COL23A1: variants seen among roughly 807,000 people sequenced by gnomAD.
The protein encoded by COL23A1 is collagen alpha-1(XXIII) chain.
COL23A1 carries 97 observed loss-of-function variants against 99.3 expected under a neutral mutation model. The observed-to-expected ratio is 0.98, with a 90% CI of 0.83 to 1.16. The LOEUF (loss-of-function observed/expected upper bound fraction) is 1.16. Ranked by LOEUF, COL23A1 falls within the 50% of genes most tolerant of loss-of-function variation. The pLI, the probability that COL23A1 is intolerant of heterozygous loss-of-function variation, is 0.00. For synonymous variants in COL23A1, 320 were observed against 308.2 expected (o/e 1.04, Z -0.40); for missense variants, 762 against 757.4 (o/e 1.01, Z -0.07).
chr5:178,252,518 G>C, intron 17 of COL23A1, 26 bp downstream of exon 17: 1 of 1,602,960 alleles, frequency 6.2e-7, no homozygotes, highest in South Asian at 1.1e-5. Context: ...ATGCTTGGGG[G>C]ACCACATAGC....
chr5:178,348,566 G>A (rs901420007), intron 2 of COL23A1, among the ~76,000 whole-genome samples: 1 of 152,200 alleles, frequency 6.6e-6, no homozygotes, highest in Non-Finnish European at 1.5e-5. Context: ...CCCTCACAGC[G>A]GCTTCCCTGC....
At chr5:178,358,681 G>T (rs528254998) in intron 2 of COL23A1, among the ~76,000 whole-genome samples, 28 of 144,310 alleles carry the variant, frequency 1.9e-4, no homozygotes, top group African/African-American at 7.1e-4. Context: ...ATGTGTATGT[G>T]TATGTGTGTG....
At chr5:178,262,105 C>T (rs1765659643) in intron 10 of COL23A1, 112 bp downstream of exon 10, 1 of 1,167,544 alleles carries the variant, frequency 8.6e-7, no homozygotes. Flanking sequence ...CGCGCGCACA[C>T]ACATAAACAT....
intron 2 of COL23A1, among the ~76,000 whole-genome samples, chr5:178,385,076 T>A (rs1377520643): frequency 6.6e-6 from 1 of 152,142 alleles, no homozygotes; most frequent in South Asian, 2.1e-4. Context: ...GCTGGACTCA[T>A]GTTGTCACAG....
intron 2 of COL23A1, among the ~76,000 whole-genome samples, chr5:178,523,193 T>TAC (rs1562051752): frequency 1.1e-4 from 9 of 80,010 alleles, no homozygotes; most frequent in African/African-American, 2.4e-4. Flanking sequence ...TATATATATA[T>TAC]ATATATATAG....
intron 2 of COL23A1, among the ~76,000 whole-genome samples, chr5:178,358,717 G>A (rs200788984): frequency 1.1e-3 from 123 of 116,086 alleles, no homozygotes; most frequent in African/African-American, 2.4e-3. Flanking sequence ...GTGTATGTGT[G>A]TATGTGTATG....
chr5:178,430,187 C>A (rs1246091181), intron 2 of COL23A1, among the ~76,000 whole-genome samples: 3 of 152,170 alleles, frequency 2.0e-5, no homozygotes, highest in African/African-American at 4.8e-5. Flanking sequence ...GCTGCATTAT[C>A]TTGATTGGAC....
At chr5:178,494,863 C>T (rs111502823) in intron 2 of COL23A1, among the ~76,000 whole-genome samples, 2,255 of 152,288 alleles carry the variant, frequency 0.015, 28 homozygotes, top group Non-Finnish European at 0.022. Context: ...AGGTGGGCCA[C>T]AGGGAACAAT....
intron 2 of COL23A1, among the ~76,000 whole-genome samples, chr5:178,452,232 G>C (rs1338618902): frequency 1.3e-5 from 2 of 152,102 alleles, no homozygotes; most frequent in African/African-American, 4.8e-5. Flanking sequence ...TATGAGGAAG[G>C]TGATACTGCA....
intron 28 of COL23A1, 48 bp downstream of exon 28, chr5:178,239,093 C>T: frequency 1.2e-6 from 2 of 1,608,420 alleles, no homozygotes; most frequent in Middle Eastern, 1.7e-4. Context: ...TTCCCCCACC[C>T]TCCCCTGCCT....
At chr5:178,246,150 G>T in intron 24 of COL23A1, 104 bp downstream of exon 24, 2 of 1,291,908 alleles carry the variant, frequency 1.5e-6, no homozygotes, top group South Asian at 1.3e-5. Flanking sequence ...CTGGCCCTGC[G>T]AAGTGCAGGG....
intron 2 of COL23A1, among the ~76,000 whole-genome samples, chr5:178,462,650 A>G (rs1756185763): frequency 6.6e-6 from 1 of 152,198 alleles, no homozygotes; most frequent in African/African-American, 2.4e-5. Flanking sequence ...AAGGTAGAAC[A>G]ATTTTTTAAC....
chr5:178,330,051 G>A lies in COL23A1; in HGVS notation c.362-23132C>T, dbSNP rs10078229. Among the ~76,000 whole-genome samples, 859 of 152,246 alleles carry A rather than the reference G, an allele frequency of 5.6e-3. 9 individuals are homozygous for A. Among genetic ancestry groups the A allele is most frequent in the African/African-American group, 0.02 (816 of 41,542 alleles). On this transcript the variant is annotated intron_variant, in intron 2 of 28. Coordinates refer to ENST00000390654, the MANE Select transcript of COL23A1 (RefSeq NM_173465.4). ...CCATCAGTTGAAAGATCCAGGCGGC[G>A]GAGGCCTGGGTAGCGTCCTCTGGCT... is the stretch of plus-strand genomic sequence containing the variant.
chr5:178,499,949 T>C (rs1336910079), intron 2 of COL23A1, among the ~76,000 whole-genome samples: 1 of 152,180 alleles, frequency 6.6e-6, no homozygotes, highest in Non-Finnish European at 1.5e-5. Flanking sequence ...AGAAACCATA[T>C]CAAGCAAAAT....
At chr5:178,555,005 G>C (rs930025955) in intron 2 of COL23A1, among the ~76,000 whole-genome samples, 1 of 152,124 alleles carries the variant, frequency 6.6e-6, no homozygotes, top group African/African-American at 2.4e-5. Flanking sequence ...TTAGTGTCTG[G>C]GTGTGGACAT....
chr5:178,522,551 G>C (rs1265311117), intron 2 of COL23A1, among the ~76,000 whole-genome samples: 2 of 152,142 alleles, frequency 1.3e-5, no homozygotes, highest in Non-Finnish European at 2.9e-5. Flanking sequence ...GCCTGCCCGA[G>C]ATTGTGACGA....
rs1465220830 is a variant in COL23A1, at chr5:178,238,122, A to T, written c.*576T>A. 6.5e-6 allele frequency: 1 copy of T among 153,666 alleles called. No homozygotes were observed. The highest frequency in any genetic ancestry group is 1.5e-5 in the Non-Finnish European group (1 of 68,662). The allele number at this position is 153,666 out of a possible 1,614,324, so 9.5% of individuals were successfully genotyped here. On this transcript the variant is annotated 3_prime_UTR_variant, in exon 29 of 29. Coordinates refer to ENST00000390654, the MANE Select transcript of COL23A1 (RefSeq NM_173465.4). ...CCTCCTGAGGCCTCCTGAATGTGGTAGAGCTAGACCCTCGTGGGGGATTTC... is the reference window on the plus strand; with the variant it reads ...CCTCCTGAGGCCTCCTGAATGTGGTTGAGCTAGACCCTCGTGGGGGATTTC...
chr5:178,247,994 C>T (rs11746830), intron 20 of COL23A1, among the ~76,000 whole-genome samples, 163 bp from the exon 21 acceptor site: 41,178 of 152,132 alleles, frequency 0.27, 5,876 homozygotes, highest in African/African-American at 0.37. Context: ...TATAGTGAGC[C>T]GAGGTTGTGC....
In COL23A1 at chr5:178,384,488, C is replaced by T. The variant is rs56062808; in HGVS notation, c.362-77569G>A. On this transcript the variant is annotated intron_variant, in intron 2 of 28. Coordinates refer to ENST00000390654, the MANE Select transcript of COL23A1 (RefSeq NM_173465.4). The surrounding 1 kb of genome is among the most constrained non-coding windows in gnomAD (Gnocchi z 5.5). ...CACCCCTCCCTCGGCTTTTTGGAGG[C>T]CACGTGGACGGCGCTGAGTGCATCC... Among the ~76,000 whole-genome samples, 1 of 152,012 alleles carries T rather than the reference C, an allele frequency of 6.6e-6. No individual in the cohort carries two copies. The highest frequency in any genetic ancestry group is 2.4e-5 in the African/African-American group (1 of 41,408).
Sources: gnomAD v4.1 joint callset for allele counts (sites outside exome capture counted in the v4.1 genomes callset) on GRCh38, gnomAD v4.1.1 for gene constraint, Gnocchi (gnomAD v3.1) non-coding constraint, MANE v1.5 for transcripts, NCBI Gene and HGNC (gene_info 2026-07-23, HGNC 2026-07-21) for gene names.